The following ITM2B variants were observed in gnomAD, a reference collection of about 807,000 sequenced individuals.
ITM2B encodes integral membrane protein 2B.
ITM2B carries 11 observed loss-of-function variants against 27.8 expected under a neutral mutation model. The ratio of observed to expected loss-of-function variants is 0.40; its 90% CI spans 0.25 to 0.66. The LOEUF (loss-of-function observed/expected upper bound fraction) is 0.66. ITM2B is among the 30% of genes least tolerant of loss of function. The pLI is 0.43. For missense variants in ITM2B, 296 were observed against 328.9 expected, an observed-to-expected ratio of 0.90 and a Z score of 0.77; for synonymous variants, 114 against 114.3, an observed-to-expected ratio of 1.00 and a Z score of 0.02.
At position 48,258,916 on chromosome 13, in the gene ITM2B, T is replaced by C; in HGVS notation, c.684T>C (p.Thr228=). 1 of 1,613,512 alleles carries C rather than the reference T, an allele frequency of 6.2e-7. No homozygotes were observed. The highest frequency in any genetic ancestry group is 8.5e-7 in the Non-Finnish European group (1 of 1,179,492). ...FIYRLCHDKE[T]YKLQRRETIK... ...ATCGACTGTGTCATGACAAGGAAAC[T>C]TACAAACTGCAACGCAGAGAAACTA... Residue 228 remains threonine, a synonymous_variant, in exon 5 of 6, where the codon ACT becomes ACC. Coordinates refer to ENST00000647800, the MANE Select transcript of ITM2B (RefSeq NM_021999.5).
chr13:48,252,474 G>A (rs1211887180), intron 1 of ITM2B, among the ~76,000 whole-genome samples: 4 of 152,236 alleles, frequency 2.6e-5, no homozygotes, highest in South Asian at 4.1e-4. Flanking sequence ...GCATGTTAGG[G>A]ATCTAGGTTG....
chr13:48,238,187 T>C (rs1037375933), intron 1 of ITM2B, among the ~76,000 whole-genome samples: 1 of 152,206 alleles, frequency 6.6e-6, no homozygotes, highest in Admixed American at 6.5e-5. Context: ...GACATCATTT[T>C]TGAAAAATTT....
intron 2 of ITM2B, among the ~76,000 whole-genome samples, chr13:48,254,576 A>G (rs370031398): frequency 3.4e-5 from 5 of 148,504 alleles, no homozygotes; most frequent in African/African-American, 1.2e-4. Context: ...ATAATACACA[A>G]TTTTTTTTTT....
chr13:48,269,590 T>C lies in ITM2B; in HGVS notation c.*8366T>C, dbSNP rs1159355075. On this transcript the variant is annotated 3_prime_UTR_variant, in exon 6 of 6. Coordinates refer to ENST00000647800, the MANE Select transcript of ITM2B (RefSeq NM_021999.5). ...CTACAGCCACACAGCTGCCTCACTT[T>C]CCTTTGAACGTACCAAGGGCAATCC... 6.6e-6 allele frequency: 1 copy of C among 152,376 alleles called. No individual in the cohort carries two copies. Among genetic ancestry groups the C allele is most frequent in the East Asian group, 1.9e-4 (1 of 5,202 alleles). 9.4% of individuals were successfully genotyped at this position (152,376 alleles called of 1,614,324 possible).
chr13:48,233,643 T>C (rs1223897174), intron 1 of ITM2B, among the ~76,000 whole-genome samples, 166 bp downstream of exon 1: 1 of 152,080 alleles, frequency 6.6e-6, no homozygotes, highest in Non-Finnish European at 1.5e-5. Context: ...CCGCAGCTCC[T>C]TTGTAAGGAA....
At chr13:48,247,856 G>A (rs1024137299) in intron 1 of ITM2B, among the ~76,000 whole-genome samples, 5 of 152,298 alleles carry the variant, frequency 3.3e-5, no homozygotes, top group South Asian at 2.1e-4. Flanking sequence ...ATAGGCCAGC[G>A]TGTGCTGCAG....
At chr13:48,237,277 T>A (rs1415590504) in intron 1 of ITM2B, among the ~76,000 whole-genome samples, 1 of 152,198 alleles carries the variant, frequency 6.6e-6, no homozygotes, top group African/African-American at 2.4e-5. Flanking sequence ...TTTGCAGATA[T>A]TGGCCAGTGA....
chr13:48,256,420 G>T lies in ITM2B; in HGVS notation c.453+37G>T, dbSNP rs770816243. 2.1e-6 allele frequency: 3 copies of T among 1,425,738 alleles called. No individual in the cohort carries two copies. The Admixed American group carries it at 5.0e-5, about 24-fold the overall frequency. 88.3% of individuals were successfully genotyped at this position (1,425,738 alleles called of 1,614,324 possible). A position where few individuals can be genotyped will look rare whatever the true frequency, so the allele number is the denominator to read the frequency against. ...GTCCAGAATTGTAGAAAGAATGCAGGTTCTGTAGTTTATGCTTTTTGTAGT... is the reference window on the plus strand; with the variant it reads ...GTCCAGAATTGTAGAAAGAATGCAGTTTCTGTAGTTTATGCTTTTTGTAGT... On this transcript the variant is annotated intron_variant, in intron 3 of 5. Coordinates refer to ENST00000647800, the MANE Select transcript of ITM2B (RefSeq NM_021999.5).
chr13:48,257,559 C>T (rs1951797054), intron 3 of ITM2B, among the ~76,000 whole-genome samples: 1 of 152,058 alleles, frequency 6.6e-6, no homozygotes, highest in Non-Finnish European at 1.5e-5. Context: ...AATAAACTTC[C>T]AAAGCAAATA....
At chr13:48,237,925 A>G (rs1330854695) in intron 1 of ITM2B, among the ~76,000 whole-genome samples, 1 of 152,224 alleles carries the variant, frequency 6.6e-6, no homozygotes, top group Non-Finnish European at 1.5e-5. Context: ...TTGGGTTACC[A>G]GTAAAATCAT....
rs1485866612 is a variant in ITM2B at position 48,262,075 on chromosome 13, TA to T, written c.*853del. 1 of 152,192 alleles carries T rather than the reference TA, an allele frequency of 6.6e-6. No individual in the cohort carries two copies. The highest frequency in any genetic ancestry group is 1.5e-5 in the Non-Finnish European group (1 of 68,008). The allele number at this position is 152,192 out of a possible 1,614,324, so 9.4% of individuals were successfully genotyped here. On this transcript the variant is annotated 3_prime_UTR_variant, in exon 6 of 6. Transcript: ENST00000647800. ...AGATTCTTTGTGGATACTATTAAAG[TA>T]ACATTTAAGCCTCAACCTTGAATGA...
In ITM2B at chr13:48,268,000, T is replaced by C. The variant is rs1334062258; in HGVS notation, c.*6776T>C. 1 of 152,234 alleles carries C rather than the reference T, an allele frequency of 6.6e-6. No individual in the cohort carries two copies. Among genetic ancestry groups the C allele is most frequent in the East Asian group, 1.9e-4 (1 of 5,196 alleles). 9.4% of individuals were successfully genotyped at this position (152,234 alleles called of 1,614,324 possible). On this transcript the variant is annotated 3_prime_UTR_variant, in exon 6 of 6. Transcript: ENST00000647800. ...CACTTTTCTTTGTCCATGTTAACAA[T>C]CATCAAAACATTTTCATTGCCCCAG... is the stretch of plus-strand genomic sequence containing the variant.
At position 48,270,065 on chromosome 13, in the gene ITM2B, C is replaced by T. The variant is rs1951875907; in HGVS notation, c.*8841C>T. On this transcript the variant is annotated 3_prime_UTR_variant, in exon 6 of 6. Transcript: ENST00000647800. ...TGAGATGTCCACTAGGGCAGAGAAG[C>T]ACAGAACCGTGGGCACTGCTTCCCT... 1 of 152,190 alleles carries T rather than the reference C, an allele frequency of 6.6e-6. No individual in the cohort carries two copies. Among genetic ancestry groups the T allele is most frequent in the East Asian group, 1.9e-4 (1 of 5,192 alleles). The allele number at this position is 152,190 out of a possible 1,614,324, so 9.4% of individuals were successfully genotyped here.
chr13:48,264,104 T>C lies in ITM2B; in HGVS notation c.*2880T>C, dbSNP rs1482028757. On this transcript the variant is annotated 3_prime_UTR_variant, in exon 6 of 6. Coordinates refer to ENST00000647800, the MANE Select transcript of ITM2B (RefSeq NM_021999.5). ...AAGTTGTTGGCCGTGATTGCTCTTT[T>C]GTGATGCAGGAGTGAGAATCTGGAG... 1 of 152,156 alleles carries C rather than the reference T, an allele frequency of 6.6e-6. No individual in the cohort carries two copies. The highest frequency in any genetic ancestry group is 2.4e-5 in the African/African-American group (1 of 41,432). The allele number at this position is 152,156 out of a possible 1,614,324, so 9.4% of individuals were successfully genotyped here.
rs552937598 is a variant in ITM2B at position 48,263,135 on chromosome 13, T to A, written c.*1911T>A. 4 of 152,312 alleles carry A rather than the reference T, an allele frequency of 2.6e-5. No homozygotes were observed. In the South Asian group the frequency reaches 8.3e-4, roughly 32 times the overall value. The allele number at this position is 152,312 out of a possible 1,614,324, so 9.4% of individuals were successfully genotyped here. On this transcript the variant is annotated 3_prime_UTR_variant, in exon 6 of 6. Transcript: ENST00000647800. ...TTACACTTTACTAAATGTAATTCTT[T>A]CATTTGAATTTTTAAAGGTTTTTGT...
chr13:48,259,062 T>C (rs527508155), intron 5 of ITM2B, 115 bp downstream of exon 5: 19 of 688,206 alleles, frequency 2.8e-5, no homozygotes, highest in Non-Finnish European at 4.4e-5. Context: ...GGTAATATTG[T>C]GTCGTTATAT....
intron 5 of ITM2B, among the ~76,000 whole-genome samples, chr13:48,259,817 G>A (rs977592610): frequency 2.0e-5 from 3 of 151,878 alleles, no homozygotes; most frequent in Admixed American, 6.6e-5. Flanking sequence ...CTCAGGTAGT[G>A]AGCAAAGTAC....
chr13:48,261,443 G>A lies in ITM2B; in HGVS notation c.*219G>A. ...ATATTTGAATTAGTAACTGTATGAA[G>A]TCATAGATAATAGTACATGTCACCT... is the stretch of plus-strand genomic sequence containing the variant. On this transcript the variant is annotated 3_prime_UTR_variant, in exon 6 of 6. Transcript: ENST00000647800. 1 of 463,576 alleles carries A rather than the reference G, an allele frequency of 2.2e-6. No homozygotes were observed. The highest frequency in any genetic ancestry group is 3.8e-5 in the East Asian group (1 of 26,578). 28.7% of individuals were successfully genotyped at this position (463,576 alleles called of 1,614,324 possible).
intron 1 of ITM2B, among the ~76,000 whole-genome samples, chr13:48,246,548 C>G (rs940483439): frequency 1.3e-5 from 2 of 152,174 alleles, no homozygotes. Context: ...TAGCGGATCA[C>G]CACATCATGT....
Sources: gnomAD v4.1 joint callset for allele counts (sites outside exome capture counted in the v4.1 genomes callset) on GRCh38, gnomAD v4.1.1 for gene constraint, MANE v1.5 for transcripts, NCBI Gene and HGNC (gene_info 2026-07-23, HGNC 2026-07-21) for gene names.